Variants in SNX8 observed in about 807,000 individuals in gnomAD.
The protein encoded by SNX8 is sorting nexin 8.
Under a neutral mutation model 51.6 loss-of-function variants are expected in SNX8, and 25 were observed. That is an observed-to-expected ratio of 0.48 (90% CI 0.35 to 0.68). SNX8 has a LOEUF of 0.68. Ranked by LOEUF, SNX8 falls within the 30% of genes least tolerant of loss-of-function variation. The pLI, the probability that SNX8 is intolerant of heterozygous loss-of-function variation, is 0.00. For missense variants in SNX8, 695 were observed against 624.0 expected, an observed-to-expected ratio of 1.11 and a Z score of -1.21; for synonymous variants, 324 against 277.0, an observed-to-expected ratio of 1.17 and a Z score of -1.68.
At chr7:2,276,400 C>T (rs867023922) in intron 2 of SNX8, among the ~76,000 whole-genome samples, 6 of 152,216 alleles carry the variant, frequency 3.9e-5, no homozygotes, top group African/African-American at 9.6e-5. Context: ...CCCTCTGACC[C>T]GCTTTGTCCT....
At chr7:2,270,312 T>TAAAAAAA (rs1562429109) in intron 4 of SNX8, among the ~76,000 whole-genome samples, 1 of 2,900 alleles carries the variant, frequency 3.4e-4, no homozygotes, top group African/African-American at 7.2e-4. Flanking sequence ...ACTCTCATTT[T>TAAAAAAA]ACAAAAAAAA....
At chr7:2,268,564 C>T (rs1033846437) in intron 5 of SNX8, among the ~76,000 whole-genome samples, 2 of 147,174 alleles carry the variant, frequency 1.4e-5, no homozygotes, top group Admixed American at 6.7e-5. Flanking sequence ...GGTCAGCCCC[C>T]CGCCTGGCCA....
chr7:2,259,524 G>A (rs750058716), intron 7 of SNX8, among the ~76,000 whole-genome samples: 18 of 152,182 alleles, frequency 1.2e-4, no homozygotes, highest in East Asian at 1.9e-4. Context: ...TGGGAGCCAG[G>A]GGTGCCGCCC....
chr7:2,326,614 C>T (rs534332109), intron 1 of SNX8, among the ~76,000 whole-genome samples: 4 of 151,372 alleles, frequency 2.6e-5, no homozygotes, highest in Non-Finnish European at 2.9e-5. Context: ...TGCAGTGAGC[C>T]GAGATCACGC....
intron 2 of SNX8, among the ~76,000 whole-genome samples, chr7:2,277,436 A>G (rs1795805664): frequency 6.6e-6 from 1 of 151,974 alleles, no homozygotes; most frequent in Non-Finnish European, 1.5e-5. Context: ...GGGGTTTCCC[A>G]CTATTACAAA....
At chr7:2,293,053 T>A (rs1378002426) in intron 1 of SNX8, among the ~76,000 whole-genome samples, 1 of 150,974 alleles carries the variant, frequency 6.6e-6, no homozygotes, top group Non-Finnish European at 1.5e-5. Context: ...ACAAAAGAGA[T>A]AAACTGAACT....
intron 1 of SNX8, chr7:2,310,095 G>A (rs1255628356): frequency 9.1e-6 from 3 of 330,058 alleles, no homozygotes; most frequent in Non-Finnish European, 1.8e-5. Flanking sequence ...GACTGTATAC[G>A]GCAGAGCCAG....
intron 1 of SNX8, among the ~76,000 whole-genome samples, chr7:2,325,920 T>C (rs1778615614): frequency 6.6e-6 from 1 of 152,176 alleles, no homozygotes; most frequent in Admixed American, 6.6e-5. Flanking sequence ...GACCCCATTA[T>C]GTAGTCTCAG....
At position 2,275,182 on chromosome 7, in the gene SNX8, G is replaced by A; in HGVS notation, c.348C>T (p.Phe116=). ...GGAACTTGTGCAGGAGCATCTCCTG[G>A]AAGACCACGAAGTCATTGTACCGTC... is the stretch of plus-strand genomic sequence containing the variant. ...VYRRYNDFVV[F]QEMLLHKFPY... Residue 116 remains phenylalanine (F), a synonymous_variant, in exon 3 of 11, where the codon TTC becomes TTT. Transcript: ENST00000222990. The A allele has an allele frequency of 1.2e-6, 2 of 1,614,162 alleles. No homozygotes were observed. The highest frequency in any genetic ancestry group is 2.2e-5 in the South Asian group (2 of 91,086).
At chr7:2,289,517 T>C (rs1796105000) in intron 1 of SNX8, among the ~76,000 whole-genome samples, 1 of 152,212 alleles carries the variant, frequency 6.6e-6, no homozygotes, top group Non-Finnish European at 1.5e-5. Context: ...TTTAACACAG[T>C]TGCGATCCAT....
At chr7:2,349,991 T>G (rs940695872) in intron 1 of SNX8, among the ~76,000 whole-genome samples, 9 of 152,030 alleles carry the variant, frequency 5.9e-5, no homozygotes, top group Admixed American at 1.3e-4. Flanking sequence ...ACTAGAGATC[T>G]CACCTGCCTG....
chr7:2,291,141 A>AG (rs1409620158), intron 1 of SNX8, among the ~76,000 whole-genome samples: 6 of 152,086 alleles, frequency 3.9e-5, no homozygotes, highest in Non-Finnish European at 8.8e-5. Context: ...ACCAAAAAAA[A>AG]GAAAAAAAAC....
At chr7:2,290,197 T>A (rs1045300661) in intron 1 of SNX8, among the ~76,000 whole-genome samples, 3 of 151,778 alleles carry the variant, frequency 2.0e-5, no homozygotes, top group African/African-American at 7.3e-5. Flanking sequence ...TGCCTCTAAA[T>A]AAATGAAAAA....
At chr7:2,333,008 C>T (rs750098481) in intron 1 of SNX8, among the ~76,000 whole-genome samples, 12 of 152,212 alleles carry the variant, frequency 7.9e-5, no homozygotes, top group Admixed American at 3.3e-4. Flanking sequence ...AGTGGCTACA[C>T]CTATAGTCCC....
intron 1 of SNX8, among the ~76,000 whole-genome samples, chr7:2,304,781 T>A (rs962536052): frequency 6.6e-6 from 1 of 152,024 alleles, no homozygotes; most frequent in African/African-American, 2.4e-5. Flanking sequence ...CTCCCCAGAC[T>A]CTGAAGAGCT....
chr7:2,327,665 C>G (rs1762434791), intron 1 of SNX8, among the ~76,000 whole-genome samples: 1 of 151,266 alleles, frequency 6.6e-6, no homozygotes, highest in African/African-American at 2.4e-5. Context: ...CCTCGGCCTC[C>G]CAAAGTGCTG....
chr7:2,299,912 A>T (rs1026634501), intron 1 of SNX8, among the ~76,000 whole-genome samples: 3 of 152,190 alleles, frequency 2.0e-5, no homozygotes, highest in Non-Finnish European at 4.4e-5. Flanking sequence ...GTGAGATACA[A>T]TTAAATCCAT....
In SNX8 at chr7:2,333,747, T is replaced by C. The variant is rs146306371; in HGVS notation, c.-66+20475A>G. Among the ~76,000 whole-genome samples the C allele has an allele frequency of 3.4e-4, 52 of 152,328 alleles. No individual in the cohort carries two copies. In the Middle Eastern group the frequency reaches 0.014, roughly 40 times the overall value. ...TAAAGGATTAATTCAATTAACCTCA[T>C]TGAATGAATCAATGTCGATTTGAAG... On this transcript the variant is annotated intron_variant, in intron 1 of 5. Transcript: ENST00000435336.
intron 1 of SNX8, among the ~76,000 whole-genome samples, chr7:2,295,163 G>A (rs1004525539): frequency 6.6e-6 from 1 of 152,148 alleles, no homozygotes; most frequent in African/African-American, 2.4e-5. Context: ...AGCAACTTTG[G>A]GAGGCCAAGG....
Sources: allele counts gnomAD v4.1 joint callset (sites outside exome capture counted in the v4.1 genomes callset), GRCh38; gene constraint gnomAD v4.1.1; transcripts MANE v1.5; gene names NCBI Gene and HGNC (gene_info 2026-07-23, HGNC 2026-07-21).